The following MEGF11 variants were observed in gnomAD, a reference collection of about 807,000 sequenced individuals.
MEGF11 encodes multiple EGF like domains 11.
Under a neutral mutation model 146.6 loss-of-function variants are expected in MEGF11, and 126 were observed. The ratio of observed to expected loss-of-function variants is 0.86; its 90% CI spans 0.74 to 1.00. The LOEUF (loss-of-function observed/expected upper bound fraction) is 1.00, where lower values mean the gene tolerates loss of function less well. Among genes scored for constraint, MEGF11 ranks in the 50% least tolerant of loss-of-function variants. MEGF11 has a pLI of 0.00. For synonymous variants in MEGF11, 532 were observed against 583.4 expected, an observed-to-expected ratio of 0.91 and a Z score of 1.27; for missense variants, 1,509 against 1,521.2, an observed-to-expected ratio of 0.99 and a Z score of 0.13.
chr15:66,076,245 G>A (rs371791853), intron 5 of MEGF11, among the ~76,000 whole-genome samples: 2 of 113,356 alleles, frequency 1.8e-5, no homozygotes, highest in African/African-American at 6.4e-5. Flanking sequence ...TGGATGGATG[G>A]ATGGATGCAT....
chr15:66,125,598 G>T (rs2088296524), intron 2 of MEGF11, among the ~76,000 whole-genome samples: 1 of 152,218 alleles, frequency 6.6e-6, no homozygotes, highest in Non-Finnish European at 1.5e-5. Context: ...TTACTGTGAG[G>T]ATTAAAGGAG....
chr15:66,043,114 C>A (rs866310907), intron 5 of MEGF11, among the ~76,000 whole-genome samples: 1 of 152,224 alleles, frequency 6.6e-6, no homozygotes, highest in East Asian at 1.9e-4. Context: ...TAAATATTAT[C>A]TTCTAGAGCT....
In MEGF11 at chr15:65,924,149, GA is replaced by G. The variant is rs564175439; in HGVS notation, c.1676-1181del. 1.6e-4 allele frequency among the ~76,000 whole-genome samples: 25 copies of G among 152,220 alleles called. No individual in the cohort carries two copies. The South Asian group carries it at 5.2e-3, about 32-fold the overall frequency. ...GTGGGACCAATTTAGAGGCAGACTG[GA>G]ATTGTACAAGCCCACCTGGGCTGGC... On this transcript the variant is annotated intron_variant, in intron 13 of 25. Transcript: ENST00000395614.
intron 1 of MEGF11, among the ~76,000 whole-genome samples, chr15:66,209,536 TAAAC>T (rs1239230288): frequency 3.3e-5 from 5 of 152,084 alleles, no homozygotes; most frequent in Non-Finnish European, 5.9e-5. Context: ...AGTGAATAGT[TAAAC>T]AAACTATGGT....
chr15:65,904,525 T>G (rs77960410), intron 24 of MEGF11, among the ~76,000 whole-genome samples: 1 of 152,332 alleles, frequency 6.6e-6, no homozygotes, highest in East Asian at 1.9e-4. Context: ...AATGCAGTAC[T>G]TACCACCATC....
At chr15:65,922,593 G>A in intron 14 of MEGF11, 121 bp from the exon 15 acceptor site, 1 of 1,386,556 alleles carries the variant, frequency 7.2e-7, no homozygotes, top group Non-Finnish European at 9.5e-7. Context: ...CATCTTGGAG[G>A]GCGCATCCCT....
intron 5 of MEGF11, among the ~76,000 whole-genome samples, chr15:65,998,894 A>T (rs1174713394): frequency 6.6e-6 from 1 of 152,150 alleles, no homozygotes; most frequent in Non-Finnish European, 1.5e-5. Flanking sequence ...CTGCTGGAAC[A>T]TCCTGGGAGC....
chr15:66,018,391 G>A (rs118186911), intron 5 of MEGF11, among the ~76,000 whole-genome samples: 1,973 of 152,288 alleles, frequency 0.013, 26 homozygotes, highest in Non-Finnish European at 0.02. Flanking sequence ...TCTCCCCTCC[G>A]ACTCCTCCCT....
chr15:65,955,793 T>TACACAC (rs67353441), intron 10 of MEGF11, among the ~76,000 whole-genome samples: 202 of 6,754 alleles, frequency 0.03, 29 homozygotes, highest in Non-Finnish European at 0.063. Context: ...TATATATATA[T>TACACAC]ACACACACAC....
intron 4 of MEGF11, among the ~76,000 whole-genome samples, chr15:66,114,806 G>C (rs914691335): frequency 5.6e-4 from 86 of 152,230 alleles, no homozygotes; most frequent in Admixed American, 5.4e-3. Flanking sequence ...CTCTGGTACG[G>C]ATGGTTTCAG....
At chr15:65,955,145 A>G (rs1217135837) in intron 10 of MEGF11, among the ~76,000 whole-genome samples, 1 of 152,172 alleles carries the variant, frequency 6.6e-6, no homozygotes, top group Non-Finnish European at 1.5e-5. Context: ...GACAGGGGTC[A>G]CCCATGAGCA....
At chr15:66,182,368 A>C (rs2090573422) in intron 1 of MEGF11, among the ~76,000 whole-genome samples, 1 of 151,984 alleles carries the variant, frequency 6.6e-6, no homozygotes, top group South Asian at 2.1e-4. Context: ...CAGAGGGAAC[A>C]TCAGCAGTAT....
At chr15:66,196,046 G>T (rs2091001608) in intron 1 of MEGF11, among the ~76,000 whole-genome samples, 1 of 152,226 alleles carries the variant, frequency 6.6e-6, no homozygotes, top group Admixed American at 6.5e-5. Context: ...ATGTGCAAAG[G>T]CCCTGAGGCA....
At chr15:65,950,353 G>A (rs1467446263) in intron 10 of MEGF11, among the ~76,000 whole-genome samples, 1 of 152,140 alleles carries the variant, frequency 6.6e-6, no homozygotes. Context: ...GGGAGGCCAA[G>A]ATGGGCAGAT....
intron 21 of MEGF11, among the ~76,000 whole-genome samples, chr15:65,911,343 A>G (rs1173867483): frequency 1.3e-5 from 2 of 152,232 alleles, no homozygotes; most frequent in African/African-American, 2.4e-5. Context: ...AACAGTAGTT[A>G]CTCTATAATA....
chr15:66,131,200 G>T (rs2088631930), intron 1 of MEGF11, among the ~76,000 whole-genome samples: 1 of 152,232 alleles, frequency 6.6e-6, no homozygotes, highest in Non-Finnish European at 1.5e-5. Context: ...GGCGGATAAA[G>T]GGAAGAGAAA....
intron 4 of MEGF11, 136 bp downstream of exon 4, chr15:66,118,949 CA>C (rs1477373747): frequency 1.9e-5 from 12 of 623,052 alleles, no homozygotes; most frequent in Non-Finnish European, 2.8e-5. Context: ...TGGCAGCAGG[CA>C]GGGACTTCTG....
chr15:65,990,338 T>C (rs931552365), intron 5 of MEGF11, among the ~76,000 whole-genome samples: 2 of 151,990 alleles, frequency 1.3e-5, no homozygotes, highest in African/African-American at 4.8e-5. Context: ...GTAGCTTGAG[T>C]CCAGGAGTTC....
intron 2 of MEGF11, among the ~76,000 whole-genome samples, chr15:66,127,186 C>A (rs2088394165): frequency 6.6e-6 from 1 of 152,214 alleles, no homozygotes; most frequent in Non-Finnish European, 1.5e-5. Flanking sequence ...GTGGAAAAAT[C>A]CAGATTGGAA....
Sources: gnomAD v4.1 joint callset for allele counts (sites outside exome capture counted in the v4.1 genomes callset) on GRCh38, gnomAD v4.1.1 for gene constraint, MANE v1.5 for transcripts, NCBI Gene and HGNC (gene_info 2026-07-23, HGNC 2026-07-21) for gene names.